PABPC4L: variants seen among roughly 807,000 people sequenced by gnomAD.
PABPC4L encodes polyadenylate-binding protein 4-like.
For synonymous variants in PABPC4L, 169 were observed against 164.1 expected (o/e 1.03, Z -0.23); for missense variants, 452 against 451.4 (o/e 1.00, Z -0.01).
At chr4:133,968,081 T>A in the PABPC4L span, among the ~76,000 whole-genome samples, 1 of 152,144 alleles carries the variant, frequency 6.6e-6, no homozygotes, top group East Asian at 1.9e-4. Flanking sequence ...CACAAAATTA[T>A]AGAGTCTTCG....
At chr4:134,142,076 T>C in the PABPC4L span, among the ~76,000 whole-genome samples, 6 of 151,652 alleles carry the variant, frequency 4.0e-5, no homozygotes. Flanking sequence ...AATAAATGAA[T>C]AGTGAGATGT....
the PABPC4L span, among the ~76,000 whole-genome samples, chr4:134,127,294 C>G: frequency 0.021 from 3,152 of 152,152 alleles, 56 homozygotes; most frequent in Non-Finnish European, 0.031. Context: ...CCCTATACAA[C>G]GGCAGCTGAT....
chr4:134,082,714 A>G, the PABPC4L span, among the ~76,000 whole-genome samples: 98 of 151,914 alleles, frequency 6.5e-4, 3 homozygotes, highest in South Asian at 0.018. Flanking sequence ...CCATCTCTCT[A>G]TTTCATTCTC....
chr4:134,118,661 C>T, the PABPC4L span, among the ~76,000 whole-genome samples: 4 of 151,398 alleles, frequency 2.6e-5, no homozygotes, highest in Non-Finnish European at 5.9e-5. Context: ...TTAATTAATA[C>T]AGCTGGATTT....
the PABPC4L span, among the ~76,000 whole-genome samples, chr4:134,118,296 G>A: frequency 1.6e-4 from 24 of 151,898 alleles, no homozygotes; most frequent in African/African-American, 5.3e-4. Flanking sequence ...GCAAATGATG[G>A]TTCAATTGAA....
chr4:134,038,599 T>C, the PABPC4L span, among the ~76,000 whole-genome samples: 1 of 152,142 alleles, frequency 6.6e-6, no homozygotes, highest in South Asian at 2.1e-4. Flanking sequence ...ATTTTCTAGT[T>C]TATTTGTGTA....
chr4:134,153,666 A>AAGAT, the PABPC4L span, among the ~76,000 whole-genome samples: 68,183 of 151,060 alleles, frequency 0.45, 17,834 homozygotes, highest in East Asian at 0.98. Flanking sequence ...TTATTTTCTT[A>AAGAT]AGATAGAGTC....
Position 134,199,915 on chromosome 4 carries a change from T to G in PABPC4L, c.1105A>C (p.Arg369=). The change falls in exon 2 of 2, where the codon AGA becomes CGA. Residue 369 remains arginine, a synonymous_variant. Coordinates refer to ENST00000421491, the MANE Select transcript of PABPC4L (RefSeq NM_001114734.2). ...SKPLSIALAQ[R]H ...AGGTACGTTTTTCTTTCCTAGTGTC[T>G]CTGGGCCAAGGCAATGCTAAGAGGT... is the stretch of plus-strand genomic sequence containing the variant. 1 of 1,551,414 alleles carries G rather than the reference T, an allele frequency of 6.4e-7. No homozygotes were observed. The highest frequency in any genetic ancestry group is 8.7e-7 in the Non-Finnish European group (1 of 1,146,892).
chr4:134,183,585 C>T, the PABPC4L span, among the ~76,000 whole-genome samples: 3 of 151,466 alleles, frequency 2.0e-5, no homozygotes, highest in Non-Finnish European at 4.4e-5. Flanking sequence ...TATATATGTA[C>T]CTATACATGC....
At chr4:134,103,498 C>A in the PABPC4L span, among the ~76,000 whole-genome samples, 2 of 151,560 alleles carry the variant, frequency 1.3e-5, no homozygotes, top group South Asian at 4.1e-4. Context: ...TGTGCATTCT[C>A]TGTATCCTCA....
At chr4:134,113,769 A>G in the PABPC4L span, among the ~76,000 whole-genome samples, 5 of 151,896 alleles carry the variant, frequency 3.3e-5, no homozygotes, top group African/African-American at 7.2e-5. Flanking sequence ...GTAGCATTTA[A>G]TCAGTGCAAA....
At chr4:133,979,337 A>G in the PABPC4L span, among the ~76,000 whole-genome samples, 5 of 152,222 alleles carry the variant, frequency 3.3e-5, no homozygotes, top group Admixed American at 6.5e-5. Flanking sequence ...GTTCAAATGG[A>G]AGAGTCAAAG....
chr4:133,967,587 C>T, the PABPC4L span, among the ~76,000 whole-genome samples: 1 of 152,192 alleles, frequency 6.6e-6, no homozygotes, highest in East Asian at 1.9e-4. Flanking sequence ...AGAAGAGGAC[C>T]TAGACAAGGA....
the PABPC4L span, among the ~76,000 whole-genome samples, chr4:134,183,766 C>T: frequency 2.6e-5 from 4 of 151,640 alleles, no homozygotes; most frequent in Admixed American, 1.3e-4. Context: ...GAATTCTACA[C>T]AAAATCTATA....
chr4:134,114,656 C>T, the PABPC4L span, among the ~76,000 whole-genome samples: 2 of 151,772 alleles, frequency 1.3e-5, no homozygotes, highest in African/African-American at 2.4e-5. Flanking sequence ...TCTTGTTCTT[C>T]GTGTCTCCAA....
chr4:134,055,631 T>G, the PABPC4L span, among the ~76,000 whole-genome samples: 4 of 80,748 alleles, frequency 5.0e-5, no homozygotes, highest in East Asian at 6.7e-4. Context: ...TTCCCCGTGG[T>G]TTTTTTTTTT....
the PABPC4L span, among the ~76,000 whole-genome samples, chr4:133,972,190 T>C: frequency 4.6e-5 from 7 of 152,184 alleles, no homozygotes; most frequent in Non-Finnish European, 8.8e-5. Context: ...TATTCCTGAA[T>C]GTTGTAGTAT....
At chr4:134,127,753 C>A in the PABPC4L span, among the ~76,000 whole-genome samples, 5 of 151,882 alleles carry the variant, frequency 3.3e-5, no homozygotes, top group Admixed American at 2.0e-4. Flanking sequence ...TCTTTAATAC[C>A]CCCAAAAGAT....
chr4:133,977,415 T>G, the PABPC4L span, among the ~76,000 whole-genome samples: 2 of 152,154 alleles, frequency 1.3e-5, no homozygotes, highest in African/African-American at 4.8e-5. Flanking sequence ...TCGTTCTGTA[T>G]GATTTTTTAA....
Sources: gnomAD v4.1 joint callset for allele counts (sites outside exome capture counted in the v4.1 genomes callset) on GRCh38, gnomAD v4.1.1 for gene constraint, MANE v1.5 for transcripts, NCBI Gene and HGNC (gene_info 2026-07-23, HGNC 2026-07-21) for gene names.